The following FREM1 variants were observed in gnomAD, a reference collection of about 807,000 sequenced individuals.
FREM1 encodes the protein FRAS1 related extracellular matrix 1, also known as FRAS1-related extracellular matrix protein 1.
In FREM1, 220 loss-of-function variants were observed where a neutral mutation model predicts 210.1. That is an observed-to-expected ratio of 1.05 (90% confidence interval 0.94 to 1.17). The LOEUF is 1.17. Ranked by LOEUF, FREM1 falls within the 50% of genes most tolerant of loss-of-function variation. The pLI is 0.00. For missense variants in FREM1, 3,454 were observed against 2,675.5 expected, an observed-to-expected ratio of 1.29 and a Z score of -6.42; for synonymous variants, 1,189 against 980.2, an observed-to-expected ratio of 1.21 and a Z score of -3.98.
chr9:14,804,466 T>C (rs1057259166), intron 19 of FREM1, among the ~76,000 whole-genome samples: 4 of 152,090 alleles, frequency 2.6e-5, no homozygotes, highest in Non-Finnish European at 1.5e-5. Flanking sequence ...GCACCTGCAG[T>C]CCCAGCTACT....
At chr9:14,908,880 G>C (rs1486289766) in intron 1 of FREM1, among the ~76,000 whole-genome samples, 1 of 152,178 alleles carries the variant, frequency 6.6e-6, no homozygotes, top group African/African-American at 2.4e-5. Flanking sequence ...CACACAGTCA[G>C]TTTTGAGAAT....
chr9:14,765,579 A>G (rs1025381177), intron 27 of FREM1, among the ~76,000 whole-genome samples: 1 of 152,170 alleles, frequency 6.6e-6, no homozygotes, highest in Non-Finnish European at 1.5e-5. Flanking sequence ...CAAAAACCTT[A>G]ACTCCTGGCT....
chr9:14,741,594 C>A (rs754270966), intron 35 of FREM1, among the ~76,000 whole-genome samples: 5 of 152,162 alleles, frequency 3.3e-5, no homozygotes. Context: ...CTCTAAAGCG[C>A]TGTAGGCTTA....
At chr9:14,872,688 A>T (rs1000956425) in intron 1 of FREM1, among the ~76,000 whole-genome samples, 5 of 150,352 alleles carry the variant, frequency 3.3e-5, no homozygotes, top group African/African-American at 1.2e-4. Context: ...TGCCCTGGCC[A>T]GAACTTCCAA....
intron 17 of FREM1, among the ~76,000 whole-genome samples, chr9:14,807,425 T>G (rs565684569): frequency 1.3e-5 from 2 of 152,286 alleles, no homozygotes; most frequent in Admixed American, 1.3e-4. Context: ...CATTCATACG[T>G]ATGCTTATAT....
At chr9:14,804,133 A>C (rs1817886761) in intron 19 of FREM1, among the ~76,000 whole-genome samples, 2 of 152,224 alleles carry the variant, frequency 1.3e-5, no homozygotes, top group South Asian at 2.1e-4. Flanking sequence ...ACTTGATGGA[A>C]GCCCAGCTAT....
intron 4 of FREM1, 59 bp downstream of exon 4, chr9:14,859,124 T>C: frequency 4.4e-6 from 6 of 1,356,682 alleles, no homozygotes; most frequent in Middle Eastern, 1.9e-4. Flanking sequence ...AAGGTGAGCA[T>C]GCATGGATAT....
At chr9:14,828,320 C>T (rs1258658198) in intron 10 of FREM1, among the ~76,000 whole-genome samples, 7 of 152,106 alleles carry the variant, frequency 4.6e-5, no homozygotes, top group Admixed American at 4.6e-4. Flanking sequence ...ATATTGTTTG[C>T]CCTGTTGAGT....
Position 14,823,202 on chromosome 9 carries a change from G to T in FREM1, c.2295C>A (p.Cys765Ter), listed in dbSNP as rs969578962. 6.2e-7 allele frequency: 1 copy of T among 1,613,858 alleles called. No homozygotes were observed. The highest frequency in any genetic ancestry group is 8.5e-7 in the Non-Finnish European group (1 of 1,179,808). The change falls in exon 13 of 37, where the codon TGC becomes TGA. Residue 765 changes from cysteine (C) to a stop codon, truncating the protein, a stop_gained. Transcript: ENST00000380880. LOFTEE classifies it high-confidence loss of function. Reference sequence around the variant, plus strand: ...CCACTGGGAGGATTGTAATGTTAAAGCAGATCCCATGCAAAGTACCGCCAT... The same window carrying T: ...CCACTGGGAGGATTGTAATGTTAAATCAGATCCCATGCAAAGTACCGCCAT... Reference protein sequence around the residue: ...NQHGGTLHGICFNITILPVDN... With the variant: ...NQHGGTLHGI
intron 1 of FREM1, among the ~76,000 whole-genome samples, chr9:14,899,855 A>G (rs999489713): frequency 1.3e-5 from 2 of 152,254 alleles, no homozygotes; most frequent in Non-Finnish European, 2.9e-5. Context: ...GTGGAAAAAC[A>G]TACTAACTTA....
chr9:14,743,514 A>T (rs1217356660), intron 35 of FREM1, among the ~76,000 whole-genome samples: 1 of 152,102 alleles, frequency 6.6e-6, no homozygotes, highest in African/African-American at 2.4e-5. Context: ...TGGCAATGTG[A>T]CACCACCATC....
intron 1 of FREM1, among the ~76,000 whole-genome samples, chr9:14,871,508 T>A (rs1832675699): frequency 6.6e-6 from 1 of 152,184 alleles, no homozygotes; most frequent in African/African-American, 2.4e-5. Context: ...GGTTGTTTGT[T>A]TTTTTCTTGT....
At chr9:14,842,012 C>T (rs940307712) in intron 9 of FREM1, among the ~76,000 whole-genome samples, 1 of 152,044 alleles carries the variant, frequency 6.6e-6, no homozygotes, top group African/African-American at 2.4e-5. Flanking sequence ...AAAAAATCTC[C>T]TTTTAGACTA....
intron 3 of FREM1, among the ~76,000 whole-genome samples, chr9:14,861,328 T>TAA (rs1467030035): frequency 1.7e-4 from 15 of 87,128 alleles, no homozygotes; most frequent in Non-Finnish European, 2.6e-4. Flanking sequence ...TACACATATA[T>TAA]ACATATATAC....
chr9:14,903,424 C>T (rs911379848), intron 1 of FREM1, among the ~76,000 whole-genome samples: 8 of 151,904 alleles, frequency 5.3e-5, no homozygotes, highest in African/African-American at 1.9e-4. Context: ...TATCACAGTA[C>T]ATTAAATGAC....
rs560567395 is a variant in FREM1 at position 14,870,421 on chromosome 9, G to A, written c.-267-1177C>T. Among the ~76,000 whole-genome samples the A allele has an allele frequency of 3.3e-5, 5 of 152,244 alleles. No homozygotes were observed. In the East Asian group the frequency reaches 7.7e-4, roughly 24 times the overall value. ...TGACTCTATTGTCCACAATCAAGCT[G>A]ACTTAGGTTGGCTTATTTGGGCAAG... On this transcript the variant is annotated intron_variant, in intron 1 of 36. Coordinates refer to ENST00000380880, the MANE Select transcript of FREM1 (RefSeq NM_001379081.2).
At chr9:14,778,672 GAGGGGAGGGAGGGAAGGGAAGGGA>G (rs1226011266) in intron 24 of FREM1, among the ~76,000 whole-genome samples, 1 of 47,068 alleles carries the variant, frequency 2.1e-5, no homozygotes, top group African/African-American at 6.3e-5. Context: ...GGAGGGGAGG[GAGGGGAGGGAGGGAAGGGAAGGGA>G]AGGGAAGGGA....
chr9:14,744,574 T>G (rs559330770), intron 35 of FREM1, among the ~76,000 whole-genome samples: 1 of 152,268 alleles, frequency 6.6e-6, no homozygotes, highest in Admixed American at 6.5e-5. Flanking sequence ...AGTATTTTAT[T>G]CCATCACTTA....
intron 1 of FREM1, among the ~76,000 whole-genome samples, chr9:14,877,440 G>GTTTTTTTTTTTTTTTTT (rs77894511): frequency 6.9e-6 from 1 of 145,440 alleles, no homozygotes; most frequent in African/African-American, 2.6e-5. Context: ...AAATCTTGTT[G>GTTTTTTTTTTTTTTTTT]TTTCTTTATG....
Sources: gnomAD v4.1 joint callset for allele counts (sites outside exome capture counted in the v4.1 genomes callset) on GRCh38, gnomAD v4.1.1 for gene constraint, MANE v1.5 for transcripts, NCBI Gene and HGNC (gene_info 2026-07-23, HGNC 2026-07-21) for gene names.